Variants in RBFOX1 observed in about 807,000 individuals in gnomAD.
RBFOX1 encodes RNA binding protein fox-1 homolog 1.
A neutral mutation model predicts 57.7 loss-of-function variants in RBFOX1; 8 were observed. That is an observed-to-expected ratio of 0.14 (90% CI 0.08 to 0.25). The LOEUF (loss-of-function observed/expected upper bound fraction) is 0.25, where lower values mean the gene tolerates loss of function less well. Ranked by LOEUF, RBFOX1 falls within the 10% of genes least tolerant of loss-of-function variation. The probability of loss-of-function intolerance (pLI) is 1.00; values close to 1 mark genes in which losing one functional copy is unlikely to be tolerated. For missense variants in RBFOX1, 611 were observed against 548.5 expected, an observed-to-expected ratio of 1.11 and a Z score of -1.14; for synonymous variants, 326 against 222.4, an observed-to-expected ratio of 1.47 and a Z score of -4.15.
intron 4 of RBFOX1, among the ~76,000 whole-genome samples, chr16:7,394,555 T>C (rs2098110165): frequency 6.6e-6 from 1 of 152,250 alleles, no homozygotes; most frequent in African/African-American, 2.4e-5. Context: ...TTCTTGCGTT[T>C]CCATTTATCC....
intron 2 of RBFOX1, among the ~76,000 whole-genome samples, chr16:6,376,870 T>C (rs996412737): frequency 2.6e-5 from 4 of 152,164 alleles, no homozygotes; most frequent in Admixed American, 6.5e-5. Flanking sequence ...TCGTTAGGGA[T>C]CTGGCGGCCC....
At chr16:7,205,100 A>G (rs1023970067) in intron 4 of RBFOX1, among the ~76,000 whole-genome samples, 3 of 152,120 alleles carry the variant, frequency 2.0e-5, no homozygotes, top group South Asian at 2.1e-4. Flanking sequence ...TTCCCCTTTT[A>G]TCTGATTTTC....
intron 3 of RBFOX1, among the ~76,000 whole-genome samples, chr16:6,778,286 C>T (rs904707384): frequency 2.0e-5 from 3 of 152,078 alleles, no homozygotes; most frequent in East Asian, 1.9e-4. Context: ...AAGTAACAAA[C>T]ACATGCAAAA....
At chr16:7,137,626 G>A (rs776714181) in intron 4 of RBFOX1, among the ~76,000 whole-genome samples, 25 of 152,078 alleles carry the variant, frequency 1.6e-4, no homozygotes, top group African/African-American at 2.2e-4. Context: ...GCCTGAAAAC[G>A]GACTAATACA....
chr16:6,039,919 G>T lies in RBFOX1; in HGVS notation c.-127+19927G>T, dbSNP rs565187744. ...TGTGTTGAGAGGCCTGAGCCCTTCA[G>T]TGGTTACTGATCAGAAGCTTCAATT... is the stretch of plus-strand genomic sequence containing the variant. On this transcript the variant is annotated intron_variant, in intron 1 of 15. Transcript: ENST00000550418. 4.6e-5 allele frequency among the ~76,000 whole-genome samples: 7 copies of T among 152,326 alleles called. No homozygotes were observed. The South Asian group carries it at 1.2e-3, about 27-fold the overall frequency.
intron 3 of RBFOX1, among the ~76,000 whole-genome samples, chr16:6,903,894 T>C (rs117000213): frequency 0.031 from 4,697 of 152,210 alleles, 118 homozygotes; most frequent in Non-Finnish European, 0.052. Flanking sequence ...AAACAGCTTC[T>C]AGATCAAGCT....
intron 1 of RBFOX1, among the ~76,000 whole-genome samples, chr16:6,290,278 G>GA (rs1465077153): frequency 6.7e-6 from 1 of 149,932 alleles, no homozygotes; most frequent in African/African-American, 2.5e-5. Context: ...TGAATATGGA[G>GA]AAGGGGTAAG....
chr16:7,693,932 TAG>T (rs1253650056), intron 14 of RBFOX1, among the ~76,000 whole-genome samples: 1 of 152,188 alleles, frequency 6.6e-6, no homozygotes, highest in East Asian at 1.9e-4. Context: ...TAGCAGGACT[TAG>T]AGAGACCAGG....
chr16:7,698,596 T>C (rs557547136), intron 14 of RBFOX1, among the ~76,000 whole-genome samples: 1 of 152,194 alleles, frequency 6.6e-6, no homozygotes, highest in Non-Finnish European at 1.5e-5. Flanking sequence ...AGTTTCCCAA[T>C]TGGCCATTCC....
chr16:7,519,773 G>A (rs2346945), intron 5 of RBFOX1: 922,412 of 950,622 alleles, frequency 0.97, 448,264 homozygotes, highest in Middle Eastern at 0.99. Context: ...ATTTGTGAAG[G>A]AGTTTATGGC....
intron 1 of RBFOX1, among the ~76,000 whole-genome samples, chr16:5,422,909 AGAGGAGGAGGGAGAAG>A (rs2067391568): frequency 9.6e-6 from 1 of 103,938 alleles, no homozygotes; most frequent in South Asian, 4.5e-4. Flanking sequence ...AGGGGAGGAA[AGAGGAGGAGGGAGAAG>A]GAGGATGAGG....
At chr16:7,595,143 G>A (rs1049614665) in intron 7 of RBFOX1, among the ~76,000 whole-genome samples, 5 of 152,044 alleles carry the variant, frequency 3.3e-5, no homozygotes, top group South Asian at 2.1e-4. Flanking sequence ...TCGTGCACAC[G>A]TTTTATTTTA....
intron 2 of RBFOX1, among the ~76,000 whole-genome samples, chr16:6,605,488 C>G (rs867657245): frequency 6.6e-6 from 1 of 152,078 alleles, no homozygotes; most frequent in Non-Finnish European, 1.5e-5. Context: ...AGTCTTAACC[C>G]CCAAAGAGAG....
intron 3 of RBFOX1, among the ~76,000 whole-genome samples, chr16:6,710,322 T>C (rs930754369): frequency 1.3e-5 from 2 of 152,234 alleles, no homozygotes; most frequent in African/African-American, 4.8e-5. Flanking sequence ...AATGACTGCA[T>C]TTTTTAACAG....
intron 4 of RBFOX1, among the ~76,000 whole-genome samples, chr16:7,068,126 G>C (rs992138536): frequency 1.3e-5 from 2 of 151,910 alleles, no homozygotes; most frequent in Admixed American, 6.6e-5. Context: ...GGTCCACCCA[G>C]ATTATCCAGG....
intron 2 of RBFOX1, among the ~76,000 whole-genome samples, chr16:5,474,216 A>G (rs1025083873): frequency 6.6e-6 from 1 of 152,212 alleles, no homozygotes; most frequent in Admixed American, 6.5e-5. Context: ...GTGCTCGTGA[A>G]CTTCTAAGCA....
At chr16:5,424,430 G>A (rs530255510) in intron 1 of RBFOX1, among the ~76,000 whole-genome samples, 1 of 152,112 alleles carries the variant, frequency 6.6e-6, no homozygotes, top group East Asian at 1.9e-4. Context: ...CCCACCGTTA[G>A]TCTGTAAAAT....
intron 4 of RBFOX1, among the ~76,000 whole-genome samples, chr16:7,055,205 T>C (rs550081807): frequency 2.9e-4 from 44 of 152,216 alleles, no homozygotes; most frequent in African/African-American, 1.1e-3. Flanking sequence ...ATACAAAGAG[T>C]TGGATATAAT....
At chr16:6,657,448 C>A (rs1173593167) in intron 3 of RBFOX1, among the ~76,000 whole-genome samples, 1 of 152,008 alleles carries the variant, frequency 6.6e-6, no homozygotes, top group Non-Finnish European at 1.5e-5. Context: ...GCTCCATCCC[C>A]CTCCCTCTCT....
Sources: allele counts gnomAD v4.1 joint callset (sites outside exome capture counted in the v4.1 genomes callset), GRCh38; gene constraint gnomAD v4.1.1; transcripts MANE v1.5; gene names NCBI Gene and HGNC (gene_info 2026-07-23, HGNC 2026-07-21).